The following MYT1L variants were observed in gnomAD, a reference collection of about 807,000 sequenced individuals.
MYT1L encodes the protein myelin transcription factor 1 like, also known as myelin transcription factor 1-like protein.
MYT1L carries 12 observed loss-of-function variants against 126.7 expected under a neutral mutation model. The ratio of observed to expected loss-of-function variants is 0.09; its 90% CI spans 0.06 to 0.15. The LOEUF is 0.15. Among genes scored for constraint, MYT1L ranks in the 10% least tolerant of loss-of-function variants. The probability of loss-of-function intolerance (pLI) is 1.00; values close to 1 mark genes in which losing one functional copy is unlikely to be tolerated. For missense variants in MYT1L, 979 were observed against 1,585.2 expected (o/e 0.62, Z 6.49); for synonymous variants, 541 against 604.2 (o/e 0.90, Z 1.53).
intron 4 of MYT1L, among the ~76,000 whole-genome samples, chr2:2,025,858 T>C (rs906294497): frequency 2.0e-5 from 3 of 152,236 alleles, no homozygotes; most frequent in Non-Finnish European, 4.4e-5. Context: ...ATTGCAATTA[T>C]ACTCAAACTC....
intron 2 of MYT1L, among the ~76,000 whole-genome samples, chr2:2,210,010 G>A (rs1361557935): frequency 6.6e-6 from 1 of 152,166 alleles, no homozygotes; most frequent in African/African-American, 2.4e-5. Flanking sequence ...AGATCTCCCT[G>A]CAGGTTTGAT....
At chr2:1,935,628 C>A (rs1283634365) in intron 9 of MYT1L, among the ~76,000 whole-genome samples, 4 of 152,148 alleles carry the variant, frequency 2.6e-5, no homozygotes, top group Admixed American at 2.0e-4. Flanking sequence ...GTACTATTAT[C>A]CTAATCTTAA....
At chr2:2,216,905 G>T (rs1243992780) in intron 2 of MYT1L, among the ~76,000 whole-genome samples, 1 of 151,986 alleles carries the variant, frequency 6.6e-6, no homozygotes, top group African/African-American at 2.4e-5. Context: ...CCACTTTAAT[G>T]AATAAATTCA....
chr2:1,792,483 C>G lies in MYT1L; in HGVS notation c.3277-19G>C, dbSNP rs754873838. The G allele has an allele frequency of 6.2e-6, 10 of 1,607,204 alleles. No homozygotes were observed. Among genetic ancestry groups the G allele is most frequent in the Non-Finnish European group, 3.4e-6 (4 of 1,175,236 alleles). Reference sequence around the variant, plus strand: ...TGGTAATCTGAAACGCACAAGTGTGCGTGACATGTAACACCAGGAGGACCT... The same window carrying G: ...TGGTAATCTGAAACGCACAAGTGTGGGTGACATGTAACACCAGGAGGACCT... On this transcript the variant is annotated intron_variant, in intron 23 of 24. Transcript: ENST00000647738.
intron 3 of MYT1L, among the ~76,000 whole-genome samples, chr2:2,160,401 G>A (rs1431041640): frequency 6.6e-6 from 1 of 152,184 alleles, no homozygotes; most frequent in Admixed American, 6.5e-5. Flanking sequence ...ATGAAGGAAC[G>A]TTTTCTGTAG....
chr2:2,177,627 G>C (rs2090960189), intron 2 of MYT1L, among the ~76,000 whole-genome samples: 1 of 152,196 alleles, frequency 6.6e-6, no homozygotes, highest in South Asian at 2.1e-4. Context: ...TACAATCATG[G>C]CAGAGGTGAA....
At chr2:2,150,366 C>G (rs58710980) in intron 3 of MYT1L, among the ~76,000 whole-genome samples, 1 of 152,080 alleles carries the variant, frequency 6.6e-6, no homozygotes, top group Non-Finnish European at 1.5e-5. Flanking sequence ...TAAAACTAAA[C>G]AAAGACAATC....
chr2:1,812,990 A>G (rs10184676), intron 21 of MYT1L, among the ~76,000 whole-genome samples: 11,709 of 152,102 alleles, frequency 0.077, 486 homozygotes, highest in African/African-American at 0.095. Context: ...ACTGTAGGAC[A>G]AGGGTGACGC....
At position 2,059,781 on chromosome 2, in the gene MYT1L, T is replaced by C. The variant is rs2070147691; in HGVS notation, c.-303-5658A>G. On this transcript the variant is annotated intron_variant, in intron 3 of 24. Coordinates refer to ENST00000647738, the MANE Select transcript of MYT1L (RefSeq NM_001303052.2). This position sits in a 1 kb window ranked among gnomAD's most constrained non-coding sequence, Gnocchi z 4.7. Reference sequence around the variant, plus strand: ...AAATTGTTCTATAGATAAATAATTATAAACGGATGACTGTCACTGAAAATG... The same window carrying C: ...AAATTGTTCTATAGATAAATAATTACAAACGGATGACTGTCACTGAAAATG... 6.6e-6 allele frequency among the ~76,000 whole-genome samples: 1 copy of C among 152,204 alleles called. No individual in the cohort carries two copies. Among genetic ancestry groups the C allele is most frequent in the South Asian group, 2.1e-4 (1 of 4,830 alleles).
intron 3 of MYT1L, among the ~76,000 whole-genome samples, chr2:2,171,114 G>C (rs1376052457): frequency 6.6e-6 from 1 of 152,096 alleles, no homozygotes; most frequent in African/African-American, 2.4e-5. Context: ...CAGTCTCCAG[G>C]GCAAAGCAGG....
intron 1 of MYT1L, among the ~76,000 whole-genome samples, chr2:2,328,288 T>C (rs1043515407): frequency 4.0e-5 from 6 of 151,500 alleles, no homozygotes; most frequent in Non-Finnish European, 8.8e-5. Flanking sequence ...TATTCAAGAG[T>C]AAGGTACAAA....
intron 22 of MYT1L, among the ~76,000 whole-genome samples, chr2:1,805,591 G>C (rs2035570117): frequency 6.6e-6 from 1 of 151,958 alleles, no homozygotes; most frequent in South Asian, 2.1e-4. Context: ...CTCATCTATA[G>C]TAAAATATTT....
intron 2 of MYT1L, among the ~76,000 whole-genome samples, chr2:2,187,278 C>T (rs1241440180): frequency 1.3e-5 from 2 of 152,120 alleles, no homozygotes; most frequent in Admixed American, 6.6e-5. Flanking sequence ...GAAATGTCAT[C>T]TGCCAGGACA....
intron 3 of MYT1L, among the ~76,000 whole-genome samples, chr2:2,057,121 T>C (rs1219544235): frequency 2.6e-5 from 4 of 152,226 alleles, no homozygotes; most frequent in Middle Eastern, 3.2e-3. Flanking sequence ...CTTGTGTTCA[T>C]ATATGTGCAT....
intron 3 of MYT1L, among the ~76,000 whole-genome samples, chr2:2,101,642 A>G (rs1226336304): frequency 6.6e-6 from 1 of 151,664 alleles, no homozygotes; most frequent in African/African-American, 2.4e-5. Context: ...CTCATCCACC[A>G]ATTCATCCAC....
At chr2:2,124,868 C>T (rs1203242139) in intron 3 of MYT1L, among the ~76,000 whole-genome samples, 1 of 152,178 alleles carries the variant, frequency 6.6e-6, no homozygotes, top group African/African-American at 2.4e-5. Flanking sequence ...TAGAAGCCTC[C>T]CCGACTCAGG....
At chr2:1,973,281 A>C (rs756649634) in intron 8 of MYT1L, among the ~76,000 whole-genome samples, 1 of 152,230 alleles carries the variant, frequency 6.6e-6, no homozygotes, top group Non-Finnish European at 1.5e-5. Flanking sequence ...AGTTAATAGT[A>C]ATCTGTAATA....
intron 3 of MYT1L, among the ~76,000 whole-genome samples, chr2:2,076,475 A>G (rs760102209): frequency 2.0e-5 from 3 of 152,214 alleles, no homozygotes; most frequent in Non-Finnish European, 1.5e-5. Context: ...TGACCCAGGC[A>G]TAATACCTAC....
intron 21 of MYT1L, among the ~76,000 whole-genome samples, chr2:1,818,561 T>C (rs13382649): frequency 0.021 from 3,161 of 152,338 alleles, 54 homozygotes; most frequent in Non-Finnish European, 0.031. Context: ...TGACTCATGA[T>C]GACGGAGCAT....
Sources: allele counts gnomAD v4.1 joint callset (sites outside exome capture counted in the v4.1 genomes callset), GRCh38; gene constraint gnomAD v4.1.1; non-coding constraint Gnocchi (gnomAD v3.1); transcripts MANE v1.5; gene names NCBI Gene and HGNC (gene_info 2026-07-23, HGNC 2026-07-21).